Variants in ADAMTS19 observed in about 807,000 individuals in gnomAD.
ADAMTS19 encodes the protein ADAM metallopeptidase with thrombospondin type 1 motif 19.
Under a neutral mutation model 153.3 loss-of-function variants are expected in ADAMTS19, and 93 were observed. That is an observed-to-expected ratio of 0.61 (90% CI 0.51 to 0.72). The LOEUF (loss-of-function observed/expected upper bound fraction) is 0.72, where lower values mean the gene tolerates loss of function less well. Ranked by LOEUF, ADAMTS19 falls within the 30% of genes least tolerant of loss-of-function variation. The probability of loss-of-function intolerance (pLI) is 0.00; values close to 1 mark genes in which losing one functional copy is unlikely to be tolerated. For missense variants in ADAMTS19, 1,482 were observed against 1,552.1 expected, an observed-to-expected ratio of 0.95 and a Z score of 0.76; for synonymous variants, 600 against 556.6, an observed-to-expected ratio of 1.08 and a Z score of -1.10.
intron 7 of ADAMTS19, among the ~76,000 whole-genome samples, chr5:129,589,691 T>C (rs977853198): frequency 5.3e-5 from 8 of 152,114 alleles, no homozygotes; most frequent in Non-Finnish European, 1.0e-4. Context: ...AAAAAGTATT[T>C]ATTTCATCAT....
intron 2 of ADAMTS19, among the ~76,000 whole-genome samples, chr5:129,471,243 G>A (rs2126651104): frequency 6.6e-6 from 1 of 152,186 alleles, no homozygotes; most frequent in Non-Finnish European, 1.5e-5. Context: ...GCACATACCT[G>A]CAGCTCCAGC....
At chr5:129,471,580 G>T (rs1179847917) in intron 2 of ADAMTS19, among the ~76,000 whole-genome samples, 3 of 152,042 alleles carry the variant, frequency 2.0e-5, no homozygotes, top group Admixed American at 2.0e-4. Flanking sequence ...AAGTTCAGGG[G>T]TACATGTGCA....
intron 7 of ADAMTS19, among the ~76,000 whole-genome samples, chr5:129,571,714 T>C (rs1016508901): frequency 6.6e-5 from 10 of 151,748 alleles, no homozygotes; most frequent in African/African-American, 2.4e-4. Context: ...CAATTTTGAA[T>C]AGAAAAATCG....
At chr5:129,486,663 A>G (rs1485981941) in intron 2 of ADAMTS19, among the ~76,000 whole-genome samples, 3 of 152,136 alleles carry the variant, frequency 2.0e-5, no homozygotes, top group African/African-American at 7.2e-5. Flanking sequence ...ACTTCCCCCT[A>G]TTATGAGAAA....
chr5:129,538,792 T>C (rs1025804370), intron 6 of ADAMTS19, among the ~76,000 whole-genome samples: 3 of 152,108 alleles, frequency 2.0e-5, no homozygotes, highest in Non-Finnish European at 4.4e-5. Flanking sequence ...TTCTTGGAAA[T>C]GTAGCCTAAT....
intron 16 of ADAMTS19, among the ~76,000 whole-genome samples, chr5:129,676,810 G>A (rs571443722): frequency 7.2e-5 from 11 of 152,272 alleles, no homozygotes; most frequent in South Asian, 6.2e-4. Context: ...GCTATTAAAT[G>A]GTGTGGATTT....
chr5:129,706,470 G>A (rs1756156578), intron 21 of ADAMTS19, among the ~76,000 whole-genome samples: 1 of 151,786 alleles, frequency 6.6e-6, no homozygotes, highest in African/African-American at 2.4e-5. Context: ...TAGGGAGACT[G>A]AGGCAGGAGA....
rs552277117 is a variant in ADAMTS19 at position 129,672,947 on chromosome 5, T to C, written c.2507-6817T>C. ...TTTGGTAACTGTTATCTTTAAGAAA[T>C]TAATTCATTTCCCTTACCTTGTCAA... On this transcript the variant is annotated intron_variant, in intron 16 of 22. Transcript: ENST00000274487. Among the ~76,000 whole-genome samples the C allele has an allele frequency of 9.2e-5, 14 of 152,220 alleles. No homozygotes were observed. In the South Asian group the frequency reaches 2.9e-3, roughly 32 times the overall value.
In ADAMTS19 at chr5:129,694,826, A is replaced by C; in HGVS notation, c.2925A>C (p.Arg975=). Residue 975 remains arginine (R), a synonymous_variant, in exon 19 of 23, where the codon CGA becomes CGC. Coordinates refer to ENST00000274487, the MANE Select transcript of ADAMTS19 (RefSeq NM_133638.6). ...TAACCAAGCCAGAGCCACAGATTCG[A>C]AAGTGCAATGAGCAACCATGTCAAA... The part of the protein sequence containing the change: ...KYLTKPEPQI[R]KCNEQPCQTR... The C allele has an allele frequency of 6.3e-7, 1 of 1,595,488 alleles. No individual in the cohort carries two copies. The highest frequency in any genetic ancestry group is 1.3e-5 in the African/African-American group (1 of 74,272).
At chr5:129,598,358 C>G (rs7709745) in intron 8 of ADAMTS19, among the ~76,000 whole-genome samples, 88,478 of 151,906 alleles carry the variant, frequency 0.58, 27,211 homozygotes, top group Non-Finnish European at 0.69. Flanking sequence ...GTACGCACTT[C>G]AGTAAAGTTT....
rs192881990 is a variant in ADAMTS19, at chr5:129,569,020, G to A, written c.1372+17113G>A. 3.3e-5 allele frequency among the ~76,000 whole-genome samples: 5 copies of A among 152,082 alleles called. No individual in the cohort carries two copies. The East Asian group carries it at 5.8e-4, about 18-fold the overall frequency. On this transcript the variant is annotated intron_variant, in intron 7 of 22. Coordinates refer to ENST00000274487, the MANE Select transcript of ADAMTS19 (RefSeq NM_133638.6). ...AGTTTGAACACGCCAAATAAAAGGAGTTCTTCAGAACTGATTAACAATTCA... is the reference window on the plus strand; with the variant it reads ...AGTTTGAACACGCCAAATAAAAGGAATTCTTCAGAACTGATTAACAATTCA...
At position 129,479,009 on chromosome 5, in the gene ADAMTS19, A is replaced by C. The variant is rs560140591; in HGVS notation, c.747+17252A>C. ...TACATATTGCCATAAGGTATGGCAA[A>C]TTTTTCACAGAAACCCACTAAGGTA... On this transcript the variant is annotated intron_variant, in intron 2 of 22. Transcript: ENST00000274487. 2.6e-5 allele frequency among the ~76,000 whole-genome samples: 4 copies of C among 152,180 alleles called. No homozygotes were observed. The South Asian group carries it at 8.3e-4, about 32-fold the overall frequency.
At chr5:129,475,214 A>G (rs1170934891) in intron 2 of ADAMTS19, among the ~76,000 whole-genome samples, 1 of 152,092 alleles carries the variant, frequency 6.6e-6, no homozygotes, top group East Asian at 1.9e-4. Flanking sequence ...TACATAATTT[A>G]AAGTTTTACA....
chr5:129,679,143 T>G (rs1054890473), intron 16 of ADAMTS19, among the ~76,000 whole-genome samples: 1 of 152,230 alleles, frequency 6.6e-6, no homozygotes, highest in East Asian at 1.9e-4. Context: ...AAATCCTATA[T>G]AGATGATTGT....
At chr5:129,704,839 A>G (rs141033952) in intron 21 of ADAMTS19, among the ~76,000 whole-genome samples, 15 of 152,114 alleles carry the variant, frequency 9.9e-5, no homozygotes, top group Non-Finnish European at 1.6e-4. Flanking sequence ...GGAGTTGTGT[A>G]TGGTAGAAAT....
chr5:129,583,746 G>A (rs1452656903), intron 7 of ADAMTS19, among the ~76,000 whole-genome samples: 1 of 151,704 alleles, frequency 6.6e-6, no homozygotes, highest in Non-Finnish European at 1.5e-5. Flanking sequence ...CTTGTGCTGT[G>A]TTTTTCAGCT....
chr5:129,719,817 G>A (rs544612287), intron 21 of ADAMTS19, among the ~76,000 whole-genome samples: 1 of 152,158 alleles, frequency 6.6e-6, no homozygotes, highest in African/African-American at 2.4e-5. Flanking sequence ...GAGGTGGGCA[G>A]ATCACTTGAG....
intron 7 of ADAMTS19, among the ~76,000 whole-genome samples, chr5:129,562,955 T>A (rs1297908342): frequency 6.6e-6 from 1 of 152,202 alleles, no homozygotes; most frequent in Non-Finnish European, 1.5e-5. Flanking sequence ...TCTGATTTTA[T>A]GTACTTGACA....
rs1182603155 is a variant in ADAMTS19, at chr5:129,738,657, G to C, written c.*1439G>C. The C allele has an allele frequency of 6.6e-6, 1 of 152,036 alleles. No homozygotes were observed. The highest frequency in any genetic ancestry group is 1.5e-5 in the Non-Finnish European group (1 of 67,990). 9.4% of individuals were successfully genotyped at this position (152,036 alleles called of 1,614,324 possible). A position where few individuals can be genotyped will look rare whatever the true frequency, so the allele number is the denominator to read the frequency against. On this transcript the variant is annotated 3_prime_UTR_variant, in exon 23 of 23. Transcript: ENST00000274487. ...ATTCCCTGGCTACTACTATCGCTGT[G>C]AGTAATAAAGTCCTTTGTGTCTAAT...
Sources: gnomAD v4.1 joint callset for allele counts (sites outside exome capture counted in the v4.1 genomes callset) on GRCh38, gnomAD v4.1.1 for gene constraint, MANE v1.5 for transcripts, NCBI Gene and HGNC (gene_info 2026-07-23, HGNC 2026-07-21) for gene names.